The following USP36 variants were observed in gnomAD, a reference collection of about 807,000 sequenced individuals.
USP36 encodes the protein ubiquitin carboxyl-terminal hydrolase 36.
USP36 carries 59 observed loss-of-function variants against 111.5 expected under a neutral mutation model. That is an observed-to-expected ratio of 0.53 (90% CI 0.43 to 0.66). USP36 has a LOEUF of 0.66. Ranked by LOEUF, USP36 falls within the 30% of genes least tolerant of loss-of-function variation. The probability of loss-of-function intolerance (pLI) is 0.00; values close to 1 mark genes in which losing one functional copy is unlikely to be tolerated. For synonymous variants in USP36, 628 were observed against 581.0 expected (o/e 1.08, Z -1.16); for missense variants, 1,488 against 1,468.0 (o/e 1.01, Z -0.22).
At chr17:78,811,695 C>A (rs151123050) in intron 13 of USP36, among the ~76,000 whole-genome samples, 4 of 151,870 alleles carry the variant, frequency 2.6e-5, no homozygotes, top group African/African-American at 9.7e-5. Flanking sequence ...AAGTGAAACC[C>A]CGTCTCCACT....
At chr17:78,808,333 C>T (rs2093965853) in intron 13 of USP36, among the ~76,000 whole-genome samples, 1 of 152,172 alleles carries the variant, frequency 6.6e-6, no homozygotes, top group East Asian at 1.9e-4. Flanking sequence ...TCACTGCAGC[C>T]TCAACCTTCT....
At chr17:78,827,668 C>A (rs1006493157) in intron 5 of USP36, among the ~76,000 whole-genome samples, 1 of 152,010 alleles carries the variant, frequency 6.6e-6, no homozygotes, top group African/African-American at 2.4e-5. Context: ...TTCAGGAGGC[C>A]TGGGTGGGAG....
At position 78,803,427 on chromosome 17, in the gene USP36, A is replaced by G. The variant is rs1598984210; in HGVS notation, c.2768T>C (p.Leu923Pro). 1.2e-6 allele frequency: 2 copies of G among 1,614,020 alleles called. No homozygotes were observed. Among genetic ancestry groups the G allele is most frequent in the Middle Eastern group, 1.6e-4 (1 of 6,062 alleles). ...CTGGTGCAGGCCGCCTTCTTCACCA[A>G]GACCTTCTGCTCCTTTCCTCCTCCG... ...RKRRRKGAEG[L>P]GEEGGLHQDP... The change falls in exon 16 of 21, where the codon CTT becomes CCT. Residue 923 changes from leucine (L) to proline (P), a missense_variant. Transcript: ENST00000449938. The surrounding 1 kb of genome is among the most constrained non-coding windows in gnomAD (Gnocchi z 4.6).
intron 1 of USP36, among the ~76,000 whole-genome samples, chr17:78,839,386 G>A (rs1301604544): frequency 6.6e-6 from 1 of 152,004 alleles, no homozygotes; most frequent in East Asian, 1.9e-4. Flanking sequence ...ATAAATAAAA[G>A]CATACCAACT....
At chr17:78,804,135 A>T (rs908963100) in intron 15 of USP36, among the ~76,000 whole-genome samples, 157 bp from the exon 16 acceptor site, 1 of 152,208 alleles carries the variant, frequency 6.6e-6, no homozygotes, top group African/African-American at 2.4e-5. Context: ...TGTATGTTTG[A>T]AAGAAAGCTA....
At chr17:78,794,124 G>A (rs2093604429), downstream of USP36, among the ~76,000 whole-genome samples, 1 of 152,096 alleles carries the variant, frequency 6.6e-6, no homozygotes, top group African/African-American at 2.4e-5. Context: ...ATATCCAAGT[G>A]ACCTCACTTC....
rs201768892 is a variant in USP36 at position 78,812,929 on chromosome 17, C to G, written c.1338G>C (p.Pro446=). 108 of 1,613,906 alleles carry G rather than the reference C, an allele frequency of 6.7e-5. No homozygotes were observed. In the East Asian group the frequency reaches 2.3e-3, roughly 34 times the overall value. The change falls in exon 13 of 21, where the codon CCG becomes CCC. Residue 446 remains proline (P), a synonymous_variant. Coordinates refer to ENST00000449938, the MANE Select transcript of USP36 (RefSeq NM_001385174.1). ...RTGSSSLPGR[P]SVIPDHSKKN... The stretch of plus-strand genomic sequence containing the variant: ...TCTTGGAGTGATCTGGAATCACACT[C>G]GGGCGGCCGGGAAGGGAGGAGGAGC...
At chr17:78,831,039 A>C (rs1295909334) in intron 4 of USP36, among the ~76,000 whole-genome samples, 1 of 151,284 alleles carries the variant, frequency 6.6e-6, no homozygotes, top group Non-Finnish European at 1.5e-5. Context: ...ATCCTGGCTT[A>C]CACAGTGAAA....
intron 3 of USP36, among the ~76,000 whole-genome samples, chr17:78,789,828 A>G (rs2093567548): frequency 6.6e-6 from 1 of 152,216 alleles, no homozygotes; most frequent in South Asian, 2.1e-4. Context: ...TCACTTACGC[A>G]GAAAAACAAA....
intron 10 of USP36, among the ~76,000 whole-genome samples, chr17:78,815,240 G>A (rs895875114): frequency 6.6e-6 from 1 of 151,696 alleles, no homozygotes; most frequent in African/African-American, 2.4e-5. Flanking sequence ...GCTGAGGCAG[G>A]AGAATCGCTT....
chr17:78,807,273 C>G lies in USP36; in HGVS notation c.1771G>C (p.Ala591Pro), dbSNP rs751671826. 3 of 1,614,016 alleles carry G rather than the reference C, an allele frequency of 1.9e-6. No homozygotes were observed. Among genetic ancestry groups the G allele is most frequent in the Non-Finnish European group, 2.5e-6 (3 of 1,180,012 alleles). The change falls in exon 14 of 21, where the codon GCC becomes CCC. Residue 591 changes from alanine to proline, a missense_variant. Around this residue, in one of 3 missense-constraint regions of USP36, gnomAD observed 1,073 missense variants for 994.1 expected, o/e 1.08. Transcript: ENST00000449938. ...TSPKLLATAT[A>P]NGHGLKGNDE... ...TTCCCCTTCAGCCCATGCCCGTTGGCAGTGGCTGTAGCCAGGAGCTTAGGT... is the reference window on the plus strand; with the variant it reads ...TTCCCCTTCAGCCCATGCCCGTTGGGAGTGGCTGTAGCCAGGAGCTTAGGT...
intron 7 of USP36, 41 bp downstream of exon 7, chr17:78,821,889 CATGTTCT>C: frequency 6.2e-7 from 1 of 1,605,110 alleles, no homozygotes. Flanking sequence ...TTCCTGGGTT[CATGTTCT>C]AATCCTGGCA....
intron 17 of USP36, among the ~76,000 whole-genome samples, chr17:78,800,999 C>T (rs572682524): frequency 4.3e-5 from 5 of 117,404 alleles, no homozygotes; most frequent in South Asian, 2.6e-4. Flanking sequence ...TTTTTTGAGA[C>T]GGAGTCTCAC....
At chr17:78,793,546 G>C (rs528472457), downstream of USP36, among the ~76,000 whole-genome samples, 1 of 152,302 alleles carries the variant, frequency 6.6e-6, no homozygotes, top group South Asian at 2.1e-4. Context: ...CCGGGCAAGA[G>C]TGTGACTCCA....
intron 6 of USP36, among the ~76,000 whole-genome samples, chr17:78,826,316 C>T (rs1001571728): frequency 1.3e-5 from 2 of 152,116 alleles, no homozygotes; most frequent in African/African-American, 4.8e-5. Context: ...TCACTTGAGG[C>T]CAGGAGTTGG....
rs562398700 is a variant in USP36 at position 78,815,629 on chromosome 17, C to T, written c.1024-1077G>A. Among the ~76,000 whole-genome samples the T allele has an allele frequency of 8.2e-4, 125 of 152,248 alleles. 1 individual carries two copies. Among genetic ancestry groups the T allele is most frequent in the African/African-American group, 2.8e-3 (117 of 41,548 alleles). On this transcript the variant is annotated intron_variant, in intron 10 of 20. Transcript: ENST00000449938. ...CTGAATTAATATAGCCAACTGCTAC[C>T]GCAAGTAAGACTTTTAATCAACTGG...
At position 78,831,502 on chromosome 17, in the gene USP36, A is replaced by C. The variant is rs536625840; in HGVS notation, c.476-2495T>G. 2.0e-5 allele frequency among the ~76,000 whole-genome samples: 3 copies of C among 151,938 alleles called. No individual in the cohort carries two copies. In the East Asian group the frequency reaches 5.8e-4, roughly 30 times the overall value. ...GTGGCAGTCACCTGTAATCCCAGCT[A>C]CTTGGGAGGATGAGGGAAGAGAATC... is the stretch of plus-strand genomic sequence containing the variant. On this transcript the variant is annotated intron_variant, in intron 4 of 20. Coordinates refer to ENST00000449938, the MANE Select transcript of USP36 (RefSeq NM_001385174.1).
intron 3 of USP36, chr17:78,787,709 C>T (rs2093547250): frequency 6.6e-6 from 1 of 152,172 alleles, no homozygotes; most frequent in African/African-American, 2.4e-5. Context: ...GAGAACCTTT[C>T]CATACTGTTA....
chr17:78,818,318 A>G (rs62075626), intron 10 of USP36, among the ~76,000 whole-genome samples: 22,060 of 152,174 alleles, frequency 0.14, 2,043 homozygotes, highest in Middle Eastern at 0.23. Flanking sequence ...CCATTAAGAC[A>G]GTGGCCCTGG....
Sources: allele counts gnomAD v4.1 joint callset (sites outside exome capture counted in the v4.1 genomes callset), GRCh38; gene constraint gnomAD v4.1.1; regional missense constraint gnomAD v4.1.1; non-coding constraint Gnocchi (gnomAD v3.1); transcripts MANE v1.5; gene names NCBI Gene and HGNC (gene_info 2026-07-23, HGNC 2026-07-21).